LRRC4C: variants seen among roughly 807,000 people sequenced by gnomAD.
LRRC4C encodes the protein leucine rich repeat containing 4C.
In LRRC4C, 5 loss-of-function variants were observed where a neutral mutation model predicts 33.6. The observed-to-expected ratio is 0.15, with a 90% CI of 0.08 to 0.31. The LOEUF is 0.31. Among genes scored for constraint, LRRC4C ranks in the 10% least tolerant of loss-of-function variants. LRRC4C has a pLI of 1.00. For missense variants in LRRC4C, 560 were observed against 796.7 expected, an observed-to-expected ratio of 0.70 and a Z score of 3.58; for synonymous variants, 329 against 302.0, an observed-to-expected ratio of 1.09 and a Z score of -0.93.
At chr11:40,577,843 T>C (rs1387608907) in intron 3 of LRRC4C, among the ~76,000 whole-genome samples, 1 of 144,268 alleles carries the variant, frequency 6.9e-6, no homozygotes, top group Admixed American at 6.9e-5. Flanking sequence ...TTTTTTTTTT[T>C]TTTTTTTTTT....
chr11:40,878,801 G>C (rs927807510), intron 2 of LRRC4C, among the ~76,000 whole-genome samples: 1 of 152,184 alleles, frequency 6.6e-6, no homozygotes, highest in African/African-American at 2.4e-5. Flanking sequence ...CTTTGGTTTT[G>C]AGGCAGTGGT....
At chr11:40,990,284 A>G (rs1364755015) in intron 1 of LRRC4C, among the ~76,000 whole-genome samples, 1 of 114,340 alleles carries the variant, frequency 8.7e-6, no homozygotes, top group African/African-American at 3.1e-5. Flanking sequence ...TGAATATATG[A>G]GTATTCTTGA....
At chr11:40,865,241 A>G (rs933317184) in intron 2 of LRRC4C, among the ~76,000 whole-genome samples, 1 of 152,166 alleles carries the variant, frequency 6.6e-6, no homozygotes, top group Admixed American at 6.5e-5. Context: ...TTCATCTCAC[A>G]GAATAGAGTA....
intron 1 of LRRC4C, among the ~76,000 whole-genome samples, chr11:41,217,060 C>G (rs1184169137): frequency 6.6e-6 from 1 of 151,906 alleles, no homozygotes; most frequent in African/African-American, 2.4e-5. Context: ...TACAACATCC[C>G]TATTTTTCAG....
intron 4 of LRRC4C, among the ~76,000 whole-genome samples, chr11:40,306,047 T>A (rs185119884): frequency 2.0e-4 from 30 of 152,320 alleles, no homozygotes; most frequent in Non-Finnish European, 4.3e-4. Context: ...CGGCCCATTC[T>A]CTTTGAGCAG....
At chr11:41,447,544 G>C (rs1431801976) in intron 1 of LRRC4C, among the ~76,000 whole-genome samples, 3 of 152,146 alleles carry the variant, frequency 2.0e-5, no homozygotes, top group Admixed American at 1.3e-4. Context: ...AGTTCATTGA[G>C]ATAATTTGAT....
At chr11:40,791,379 G>T (rs1230440190) in intron 2 of LRRC4C, among the ~76,000 whole-genome samples, 1 of 152,120 alleles carries the variant, frequency 6.6e-6, no homozygotes, top group East Asian at 1.9e-4. Context: ...TGTCTTGGGA[G>T]TTCAAGAAGT....
intron 2 of LRRC4C, among the ~76,000 whole-genome samples, chr11:40,760,798 T>TACAC (rs776445689): frequency 3.9e-4 from 55 of 142,590 alleles, no homozygotes; most frequent in African/African-American, 1.1e-3. Flanking sequence ...TATATATATA[T>TACAC]ATACACACAC....
intron 3 of LRRC4C, among the ~76,000 whole-genome samples, chr11:40,405,827 T>A (rs1040209018): frequency 1.3e-5 from 2 of 151,478 alleles, no homozygotes; most frequent in Non-Finnish European, 2.9e-5. Flanking sequence ...CTGGGCTAAT[T>A]TGGACTGTGT....
At chr11:40,712,244 C>T (rs1475974304) in intron 2 of LRRC4C, among the ~76,000 whole-genome samples, 1 of 152,116 alleles carries the variant, frequency 6.6e-6, no homozygotes, top group Non-Finnish European at 1.5e-5. Context: ...TTCTCAGTTG[C>T]TAACATTATT....
intron 2 of LRRC4C, among the ~76,000 whole-genome samples, chr11:40,739,534 A>G (rs1479526882): frequency 6.6e-6 from 1 of 152,076 alleles, no homozygotes; most frequent in Non-Finnish European, 1.5e-5. Flanking sequence ...TGTGTAATAT[A>G]TATGTAATAT....
At chr11:40,781,332 T>C (rs1950203429) in intron 2 of LRRC4C, among the ~76,000 whole-genome samples, 2 of 152,180 alleles carry the variant, frequency 1.3e-5, no homozygotes, top group Admixed American at 1.3e-4. Flanking sequence ...CACACACATA[T>C]ATTTATATAT....
At chr11:40,933,178 T>C (rs1006287216) in intron 2 of LRRC4C, among the ~76,000 whole-genome samples, 3 of 152,202 alleles carry the variant, frequency 2.0e-5, no homozygotes, top group Non-Finnish European at 2.9e-5. Context: ...GAAAGTGGAA[T>C]AAGTGAAAAT....
chr11:40,887,788 C>A (rs987130366), intron 2 of LRRC4C, among the ~76,000 whole-genome samples: 17 of 151,954 alleles, frequency 1.1e-4, no homozygotes, highest in African/African-American at 4.1e-4. Flanking sequence ...TTTGCCAATT[C>A]TCTAGAATAT....
chr11:41,234,800 A>G (rs1246282503), intron 1 of LRRC4C, among the ~76,000 whole-genome samples: 1 of 152,022 alleles, frequency 6.6e-6, no homozygotes, highest in Non-Finnish European at 1.5e-5. Flanking sequence ...AGAAAATTGA[A>G]GTTCTGAGAA....
chr11:41,255,295 T>C (rs1256576713), intron 1 of LRRC4C, among the ~76,000 whole-genome samples: 2 of 152,032 alleles, frequency 1.3e-5, no homozygotes, highest in African/African-American at 4.8e-5. Context: ...TCTAAAACGA[T>C]CTGAGCTGGG....
intron 4 of LRRC4C, among the ~76,000 whole-genome samples, chr11:40,297,111 T>C (rs1005776094): frequency 6.6e-6 from 1 of 152,156 alleles, no homozygotes; most frequent in African/African-American, 2.4e-5. Context: ...TAATCAGAAA[T>C]ACAAAATAGC....
chr11:41,019,649 C>T (rs759355877), intron 1 of LRRC4C, among the ~76,000 whole-genome samples: 13 of 152,058 alleles, frequency 8.5e-5, no homozygotes, highest in Non-Finnish European at 1.8e-4. Flanking sequence ...AGTGTAAAAG[C>T]GTTCTTATTT....
intron 1 of LRRC4C, among the ~76,000 whole-genome samples, chr11:41,232,319 T>A (rs1403246122): frequency 1.3e-5 from 2 of 152,100 alleles, no homozygotes; most frequent in Non-Finnish European, 2.9e-5. Flanking sequence ...CTGGACTAGA[T>A]AATTCTTTGT....
Sources: gnomAD v4.1 joint callset for allele counts (sites outside exome capture counted in the v4.1 genomes callset) on GRCh38, gnomAD v4.1.1 for gene constraint, MANE v1.5 for transcripts, NCBI Gene and HGNC (gene_info 2026-07-23, HGNC 2026-07-21) for gene names.